The following P2RX3 variants were observed in gnomAD, a reference collection of about 807,000 sequenced individuals.
P2RX3 encodes the protein purinergic receptor P2X 3, also known as P2X purinoceptor 3.
In P2RX3, 41 loss-of-function variants were observed where a neutral mutation model predicts 51.5. The ratio of observed to expected loss-of-function variants is 0.80; its 90% confidence interval spans 0.62 to 1.03. The LOEUF (loss-of-function observed/expected upper bound fraction) is 1.03, where lower values mean the gene tolerates loss of function less well. Among genes scored for constraint, P2RX3 ranks in the 50% least tolerant of loss-of-function variants. The probability of loss-of-function intolerance (pLI) is 0.00; values close to 1 mark genes in which losing one functional copy is unlikely to be tolerated. For synonymous variants in P2RX3, 185 were observed against 191.6 expected, an observed-to-expected ratio of 0.97 and a Z score of 0.29; for missense variants, 459 against 522.1, an observed-to-expected ratio of 0.88 and a Z score of 1.18.
At chr11:57,346,415 C>A in intron 1 of P2RX3, 129 bp from the exon 2 acceptor site, 2 of 1,145,248 alleles carry the variant, frequency 1.7e-6, no homozygotes, top group Non-Finnish European at 2.5e-6. Context: ...TCTCACGCCT[C>A]TGGAAGGAAC....
intron 1 of P2RX3, among the ~76,000 whole-genome samples, chr11:57,339,059 TC>T (rs1856290650): frequency 6.6e-6 from 1 of 152,100 alleles, no homozygotes; most frequent in South Asian, 2.1e-4. Context: ...AGTCAAGTCT[TC>T]GGGGTCTCAA....
rs956214724 is a variant in P2RX3, at chr11:57,348,788, C to G, written c.563+84C>G. 5.3e-6 allele frequency: 5 copies of G among 950,804 alleles called. No homozygotes were observed. In the African/African-American group the frequency reaches 8.1e-5, roughly 15 times the overall value. 58.9% of individuals were successfully genotyped at this position (950,804 alleles called of 1,614,324 possible). ...GTTTTCAGGGAAGTGGAGATGCCCC[C>G]TCGCCACAGTTCTTCCCACTTTCGC... is the stretch of plus-strand genomic sequence containing the variant. On this transcript the variant is annotated intron_variant, in intron 6 of 11. Coordinates refer to ENST00000263314, the MANE Select transcript of P2RX3 (RefSeq NM_002559.5).
In P2RX3 at chr11:57,369,443, G is replaced by A. The variant is rs1367209265; in HGVS notation, c.1080+5G>A. ...AAAGCCAAGAAGTTTGAGGAGGTGA[G>A]TTGGGGAAGGGGCACCCTTGGATAA... On this transcript the variant is annotated splice_donor_5th_base_variant and intron_variant, in intron 11 of 11. Coordinates refer to ENST00000263314, the MANE Select transcript of P2RX3 (RefSeq NM_002559.5). 3.7e-6 allele frequency: 6 copies of A among 1,604,158 alleles called. No homozygotes were observed. In the African/African-American group the frequency reaches 5.4e-5, roughly 14 times the overall value.
At chr11:57,364,670 G>A (rs369020285) in intron 8 of P2RX3, among the ~76,000 whole-genome samples, 10 of 151,998 alleles carry the variant, frequency 6.6e-5, no homozygotes, top group African/African-American at 2.4e-5. Flanking sequence ...TAGAAATGAC[G>A]CCCTCTCTTG....
chr11:57,338,683 C>T lies in P2RX3; in HGVS notation c.119+14C>T. On this transcript the variant is annotated intron_variant, in intron 1 of 11. Transcript: ENST00000263314. ...CTACTTTGTAGGGTGAGTCTGTGGC[C>T]TTTCAGGTTCCTGGCGGGGTGGGCT... 1 of 1,552,748 alleles carries T rather than the reference C, an allele frequency of 6.4e-7. No individual in the cohort carries two copies. Among genetic ancestry groups the T allele is most frequent in the South Asian group, 1.1e-5 (1 of 87,220 alleles).
upstream of P2RX3, among the ~76,000 whole-genome samples, chr11:57,337,329 A>AAAAAAAAAAAAAAAAAGG (rs1554965262): frequency 6.5e-5 from 5 of 77,294 alleles, no homozygotes; most frequent in East Asian, 3.9e-4. Context: ...AAGAAAAAAA[A>AAAAAAAAAAAAAAAAAGG]AAGGAAGGGA....
At chr11:57,360,561 G>A (rs1290492342) in intron 8 of P2RX3, among the ~76,000 whole-genome samples, 7 of 152,060 alleles carry the variant, frequency 4.6e-5, no homozygotes, top group African/African-American at 1.4e-4. Flanking sequence ...TTGGGAGGTC[G>A]AGGTGAGCGG....
In P2RX3 at chr11:57,370,088, C is replaced by A; in HGVS notation, c.*91C>A. ...CAAGGGGCATGGGAGGGAAGAGGGGCTCTCATTTCTGCTGCTCATTCCATG... is the reference window on the plus strand; with the variant it reads ...CAAGGGGCATGGGAGGGAAGAGGGGATCTCATTTCTGCTGCTCATTCCATG... On this transcript the variant is annotated 3_prime_UTR_variant, in exon 12 of 12. Transcript: ENST00000263314. 1 of 880,276 alleles carries A rather than the reference C, an allele frequency of 1.1e-6. No homozygotes were observed. The highest frequency in any genetic ancestry group is 1.8e-6 in the Non-Finnish European group (1 of 553,178). The allele number at this position is 880,276 out of a possible 1,614,324, so 54.5% of individuals were successfully genotyped here.
chr11:57,358,374 A>T (rs537625849), intron 8 of P2RX3, among the ~76,000 whole-genome samples: 31 of 152,354 alleles, frequency 2.0e-4, no homozygotes, highest in African/African-American at 7.5e-4. Context: ...GAGATGAACA[A>T]GACCAGTTCC....
At chr11:57,358,899 G>A (rs1049361135) in intron 8 of P2RX3, among the ~76,000 whole-genome samples, 4 of 152,062 alleles carry the variant, frequency 2.6e-5, no homozygotes, top group Non-Finnish European at 2.9e-5. Context: ...ACACACACAC[G>A]CACTCACACG....
At position 57,349,808 on chromosome 11, in the gene P2RX3, CCA is replaced by C. The variant is rs1195388675; in HGVS notation, c.617_618del (p.His206ProfsTer36). 1 of 1,614,246 alleles carries C rather than the reference CCA, an allele frequency of 6.2e-7. No individual in the cohort carries two copies. ...TARDMKTCRF[H>X]PDKDPFCPIL... The stretch of plus-strand genomic sequence containing the variant: ...CCAGGGACATGAAGACCTGCCGCTT[CCA>C]CCCGGACAAGGACCCTTTCTGCCCC... On this transcript the variant is annotated frameshift_variant, in exon 7 of 12. Coordinates refer to ENST00000263314, the MANE Select transcript of P2RX3 (RefSeq NM_002559.5). LOFTEE classifies it high-confidence loss of function.
At chr11:57,337,033 T>A (rs1432065196), upstream of P2RX3, among the ~76,000 whole-genome samples, 5 of 152,184 alleles carry the variant, frequency 3.3e-5, no homozygotes, top group African/African-American at 1.2e-4. Flanking sequence ...GGCTCACACC[T>A]GTAATCCTAG....
intron 8 of P2RX3, among the ~76,000 whole-genome samples, chr11:57,366,833 A>C (rs1170507532): frequency 6.6e-6 from 1 of 151,966 alleles, no homozygotes; most frequent in Non-Finnish European, 1.5e-5. Flanking sequence ...CTCTTCTTAC[A>C]AACCCACCAG....
chr11:57,346,566 G>T lies in P2RX3; in HGVS notation c.142G>T (p.Ala48Ser). Residue 48 changes from alanine (A) to serine (S), a missense_variant, in exon 2 of 12, where the codon GCT becomes TCT. Transcript: ENST00000263314. ...CAGGTGGGTTTTCTTGCACGAGAAG[G>T]CTTACCAGGTACGGGACACAGCCAT... Reference protein sequence around the residue: ...FVGWVFLHEKAYQVRDTAIES... With the variant: ...FVGWVFLHEKSYQVRDTAIES... 3 of 1,614,134 alleles carry T rather than the reference G, an allele frequency of 1.9e-6. No individual in the cohort carries two copies. Among genetic ancestry groups the T allele is most frequent in the Non-Finnish European group, 2.5e-6 (3 of 1,180,040 alleles).
intron 8 of P2RX3, among the ~76,000 whole-genome samples, chr11:57,365,976 C>G (rs1856791367): frequency 6.6e-6 from 1 of 152,176 alleles, no homozygotes; most frequent in Non-Finnish European, 1.5e-5. Context: ...TTCTCAGGCC[C>G]CTGGTGGGAG....
At chr11:57,350,296 C>CTTTTTTTTTTTTTTTTTTTT (rs1183553337) in intron 7 of P2RX3, 1 of 108,446 alleles carries the variant, frequency 9.2e-6, no homozygotes, top group Non-Finnish European at 1.8e-5. Flanking sequence ...GAGCCACAAC[C>CTTTTTTTTTTTTTTTTTTTT]TTTTTTTTTT....
intron 7 of P2RX3, 190 bp from the exon 8 acceptor site, chr11:57,350,572 G>T: frequency 1.4e-6 from 1 of 712,260 alleles, no homozygotes; most frequent in Non-Finnish European, 2.2e-6. Flanking sequence ...GTGAATCACC[G>T]CACCCGGCCA....
chr11:57,369,484 G>A lies in P2RX3; in HGVS notation c.1080+46G>A, dbSNP rs1310549820. 4 of 1,547,456 alleles carry A rather than the reference G, an allele frequency of 2.6e-6. No individual in the cohort carries two copies. In the African/African-American group the frequency reaches 5.5e-5, roughly 21 times the overall value. ...CCTTGGATAAAAGGGAGAGGGGGCA[G>A]GGCAGGCAGGGGCAGGGACTCTCAG... On this transcript the variant is annotated intron_variant, in intron 11 of 11. Coordinates refer to ENST00000263314, the MANE Select transcript of P2RX3 (RefSeq NM_002559.5).
intron 1 of P2RX3, among the ~76,000 whole-genome samples, chr11:57,342,056 G>A (rs1331872390): frequency 1.3e-5 from 2 of 151,820 alleles, no homozygotes; most frequent in Admixed American, 1.3e-4. Context: ...CTCAGCCCAG[G>A]GTATCACTGT....
Sources: allele counts gnomAD v4.1 joint callset (sites outside exome capture counted in the v4.1 genomes callset), GRCh38; gene constraint gnomAD v4.1.1; transcripts MANE v1.5; gene names NCBI Gene and HGNC (gene_info 2026-07-23, HGNC 2026-07-21).